The following EIF4G3 variants were observed in gnomAD, a reference collection of about 807,000 sequenced individuals.
EIF4G3 encodes eIF-4-gamma 3.
EIF4G3 carries 34 observed loss-of-function variants against 186.4 expected under a neutral mutation model. The ratio of observed to expected loss-of-function variants is 0.18; its 90% confidence interval spans 0.14 to 0.24. EIF4G3 has a LOEUF of 0.24. Ranked by LOEUF, EIF4G3 falls within the 10% of genes least tolerant of loss-of-function variation. The pLI is 1.00. For missense variants in EIF4G3, 1,536 were observed against 1,948.5 expected (o/e 0.79, Z 3.99); for synonymous variants, 673 against 679.5 (o/e 0.99, Z 0.15).
At chr1:21,030,720 G>T (rs2092663375) in intron 4 of EIF4G3, among the ~76,000 whole-genome samples, 1 of 152,210 alleles carries the variant, frequency 6.6e-6, no homozygotes, top group Admixed American at 6.5e-5. Flanking sequence ...AATTAATTTT[G>T]TGTTTTACAC....
At chr1:21,063,148 A>G (rs916939483) in intron 3 of EIF4G3, among the ~76,000 whole-genome samples, 4 of 152,158 alleles carry the variant, frequency 2.6e-5, no homozygotes, top group East Asian at 3.9e-4. Context: ...CCACCTCCCA[A>G]GCTCAATCAA....
At chr1:20,998,998 G>C (rs572185504) in intron 6 of EIF4G3, 1 of 238,390 alleles carries the variant, frequency 4.2e-6, no homozygotes. Flanking sequence ...ATGTGCAATA[G>C]TGATTTGCAA....
At chr1:21,144,801 A>G (rs910470067) in intron 2 of EIF4G3, among the ~76,000 whole-genome samples, 9 of 152,292 alleles carry the variant, frequency 5.9e-5, no homozygotes, top group South Asian at 4.1e-4. Flanking sequence ...TTTCTTTCTC[A>G]TAAGCTTTCT....
chr1:21,126,845 A>T (rs1420735220), intron 2 of EIF4G3, among the ~76,000 whole-genome samples: 4 of 152,154 alleles, frequency 2.6e-5, no homozygotes, highest in Non-Finnish European at 5.9e-5. Flanking sequence ...CCTGATATAA[A>T]TGATCTAGTA....
Position 20,821,684 on chromosome 1 carries a change from T to A in EIF4G3, c.4368+3416A>T, listed in dbSNP as rs547747261. On this transcript the variant is annotated intron_variant, in intron 33 of 36. Coordinates refer to ENST00000602326, the MANE Select transcript of EIF4G3 (RefSeq NM_001391906.1). ...TTCCCTATTACGTATACTTCCCTATTATGTATACTTCACCATCTTCCCTAT... is the reference window on the plus strand; with the variant it reads ...TTCCCTATTACGTATACTTCCCTATAATGTATACTTCACCATCTTCCCTAT... 2.3e-4 allele frequency among the ~76,000 whole-genome samples: 35 copies of A among 152,016 alleles called. 1 individual carries two copies. In the South Asian group the frequency reaches 7.3e-3, roughly 32 times the overall value.
At chr1:20,962,809 T>G (rs1410874664) in intron 12 of EIF4G3, among the ~76,000 whole-genome samples, 1 of 152,162 alleles carries the variant, frequency 6.6e-6, no homozygotes, top group African/African-American at 2.4e-5. Context: ...TTGAGCTTAC[T>G]AAAATAGCAA....
chr1:20,849,513 C>T lies in EIF4G3; in HGVS notation c.3790G>A (p.Ala1264Thr). The T allele has an allele frequency of 1.3e-6, 2 of 1,532,672 alleles. No homozygotes were observed. The highest frequency in any genetic ancestry group is 1.7e-6 in the Non-Finnish European group (2 of 1,146,046). The allele number at this position is 1,532,672 out of a possible 1,614,324, so 94.9% of individuals were successfully genotyped here. The change falls in exon 29 of 37, where the codon GCA becomes ACA. Residue 1264 changes from alanine to threonine, a missense_variant. Ala to Thr is a moderately conservative substitution (Grantham distance 58). Transcript: ENST00000602326. ...GCAGCCTTGTCATGAGCTGACATTG[C>T]TGAAATTTCTGGTTTTGCTATTAGT... Reference protein sequence around the residue: ...TRESAKPEISAMSAHDKAALS... With the variant: ...TRESAKPEISTMSAHDKAALS...
intron 2 of EIF4G3, among the ~76,000 whole-genome samples, chr1:21,101,228 G>A (rs1339927099): frequency 2.0e-5 from 3 of 151,940 alleles, no homozygotes; most frequent in African/African-American, 7.2e-5. Context: ...ATGAGCCACC[G>A]TGCTTGGTCA....
At chr1:20,894,437 T>C (rs931605221) in intron 17 of EIF4G3, among the ~76,000 whole-genome samples, 4 of 152,196 alleles carry the variant, frequency 2.6e-5, no homozygotes, top group Non-Finnish European at 5.9e-5. Flanking sequence ...ATACCACCAA[T>C]AGAAGTAAGA....
At chr1:21,169,677 C>G (rs1233261802) in intron 2 of EIF4G3, 1 of 152,182 alleles carries the variant, frequency 6.6e-6, no homozygotes, top group Admixed American at 6.6e-5. Context: ...AAATACAACT[C>G]AGGCACTTCA....
Position 20,806,577 on chromosome 1 carries a change from G to C in EIF4G3, c.*742C>G, listed in dbSNP as rs2058152295. The C allele has an allele frequency of 6.6e-6, 1 of 151,106 alleles. No individual in the cohort carries two copies. Among genetic ancestry groups the C allele is most frequent in the South Asian group, 2.1e-4 (1 of 4,796 alleles). The allele number at this position is 151,106 out of a possible 1,614,324, so 9.4% of individuals were successfully genotyped here. A position where few individuals can be genotyped will look rare whatever the true frequency, so the allele number is the denominator to read the frequency against. ...TTTCTTTTTGTTTTTTTAAATATTT[G>C]TTCTATGTATTTACAAGCCTTAAAG... On this transcript the variant is annotated 3_prime_UTR_variant, in exon 37 of 37. Transcript: ENST00000602326.
At chr1:20,818,818 G>C (rs2061633477) in intron 33 of EIF4G3, among the ~76,000 whole-genome samples, 1 of 152,094 alleles carries the variant, frequency 6.6e-6, no homozygotes, top group African/African-American at 2.4e-5. Flanking sequence ...CTCTGGTATG[G>C]TCCTATACCC....
intron 2 of EIF4G3, among the ~76,000 whole-genome samples, chr1:21,098,354 C>T (rs1414435823): frequency 2.6e-5 from 4 of 151,684 alleles, no homozygotes; most frequent in Non-Finnish European, 5.9e-5. Context: ...CTAGCCTGGG[C>T]AAGATGGTGA....
chr1:20,979,402 GTGCC>G (rs1249630790), intron 10 of EIF4G3, among the ~76,000 whole-genome samples: 1 of 152,138 alleles, frequency 6.6e-6, no homozygotes, highest in Non-Finnish European at 1.5e-5. Context: ...TATTCTCCAA[GTGCC>G]TGCCAGTCAC....
At chr1:21,031,665 T>C (rs2092760230) in intron 4 of EIF4G3, among the ~76,000 whole-genome samples, 1 of 152,188 alleles carries the variant, frequency 6.6e-6, no homozygotes, top group Admixed American at 6.5e-5. Context: ...AAAAGTCCAG[T>C]AACAGGATGT....
intron 33 of EIF4G3, among the ~76,000 whole-genome samples, chr1:20,822,497 A>G (rs1031009377): frequency 1.4e-5 from 2 of 144,934 alleles, no homozygotes; most frequent in African/African-American, 2.6e-5. Flanking sequence ...TTCTCTAAAA[A>G]TTTTTCTATT....
intron 4 of EIF4G3, among the ~76,000 whole-genome samples, chr1:21,022,203 A>G (rs2090889973): frequency 2.0e-5 from 3 of 152,180 alleles, no homozygotes; most frequent in African/African-American, 7.2e-5. Context: ...GCACCTTAAC[A>G]ATGTAAGAAA....
chr1:20,900,774 T>C (rs943162341), intron 15 of EIF4G3, among the ~76,000 whole-genome samples: 3 of 152,146 alleles, frequency 2.0e-5, no homozygotes, highest in African/African-American at 7.2e-5. Flanking sequence ...CTCAGAGGTG[T>C]TCTAATTGAT....
intron 7 of EIF4G3, among the ~76,000 whole-genome samples, chr1:20,983,466 T>C (rs774462403): frequency 2.6e-5 from 4 of 152,252 alleles, no homozygotes; most frequent in Non-Finnish European, 5.9e-5. Context: ...CTCCCATTAC[T>C]GGACTGCATT....
Sources: allele counts gnomAD v4.1 joint callset (sites outside exome capture counted in the v4.1 genomes callset), GRCh38; gene constraint gnomAD v4.1.1; transcripts MANE v1.5; gene names NCBI Gene and HGNC (gene_info 2026-07-23, HGNC 2026-07-21).